The following KIF1A variants were observed in gnomAD, a reference collection of about 807,000 sequenced individuals.
KIF1A encodes the protein kinesin-like protein KIF1A.
KIF1A carries 46 observed loss-of-function variants against 227.3 expected under a neutral mutation model. The ratio of observed to expected loss-of-function variants is 0.20; its 90% CI spans 0.16 to 0.26. The LOEUF (loss-of-function observed/expected upper bound fraction) is 0.26. KIF1A is among the 10% of genes least tolerant of loss of function. The pLI is 1.00. For missense variants in KIF1A, 1,683 were observed against 2,485.9 expected (o/e 0.68, Z 6.87); for synonymous variants, 1,022 against 1,012.8 (o/e 1.01, Z -0.17).
rs1246106005 is a variant in KIF1A, at chr2:240,771,017, C to T, written c.1295G>A (p.Arg432His). The T allele has an allele frequency of 5.6e-6, 9 of 1,612,818 alleles. No homozygotes were observed. Among genetic ancestry groups the T allele is most frequent in the Middle Eastern group, 1.7e-4 (1 of 5,874 alleles). ...CTCGCTGCCCGGGGCAAACAAGATG[C>T]GCTCGTGGAGGCTGGACACGGAGGC... The part of the protein sequence containing the change: ...RAASVSSLHE[R>H]ILFAPGSEEA... Residue 432 changes from arginine to histidine, a missense_variant, in exon 15 of 49, where the codon CGC (arginine) becomes CAC (histidine). Arg to His is a conservative substitution (Grantham distance 29). Transcript: ENST00000498729.
chr2:240,816,951 G>A (rs540657903), intron 1 of KIF1A, among the ~76,000 whole-genome samples: 1 of 152,370 alleles, frequency 6.6e-6, no homozygotes, highest in African/African-American at 2.4e-5. Flanking sequence ...TTGAGGCCCT[G>A]GGGGTGGGGG....
At position 240,742,996 on chromosome 2, in the gene KIF1A, G is replaced by A. The variant is rs1220332881; in HGVS notation, c.3585-12C>T. 3 of 1,605,088 alleles carry A rather than the reference G, an allele frequency of 1.9e-6. No individual in the cohort carries two copies. Among genetic ancestry groups the A allele is most frequent in the East Asian group, 2.2e-5 (1 of 44,670 alleles). ...AGGGCCTCAGGGGGCTGTGGAGAAA[G>A]GACCAGTGTGAGGTGTTTGCGGGAC... On this transcript the variant is annotated splice_polypyrimidine_tract_variant and intron_variant, in intron 33 of 48. Coordinates refer to ENST00000498729, the MANE Select transcript of KIF1A (RefSeq NM_001244008.2).
chr2:240,746,034 C>G lies in KIF1A; in HGVS notation c.3202+5G>C, dbSNP rs1379920683. 6.2e-7 allele frequency: 1 copy of G among 1,607,426 alleles called. No individual in the cohort carries two copies. On this transcript the variant is annotated splice_donor_5th_base_variant and intron_variant, in intron 30 of 48. Transcript: ENST00000498729. ...CGCCCTGGGCAGCTGGGGTGGGCGA[C>G]CCACCTGAACAGGTGTTGTTGTTGA... is the stretch of plus-strand genomic sequence containing the variant.
Position 240,775,774 on chromosome 2 carries a change from C to A in KIF1A, c.958+77G>T, listed in dbSNP as rs970475522. ...TGAGAGGCCTGCTGGCGACTGGGCA[C>A]CCCCTCAGTGGGGAAGAAGGGCACA... On this transcript the variant is annotated intron_variant, in intron 11 of 48. Coordinates refer to ENST00000498729, the MANE Select transcript of KIF1A (RefSeq NM_001244008.2). This position sits in a 1 kb window ranked among gnomAD's most constrained non-coding sequence, Gnocchi z 5.5. 8.2e-6 allele frequency: 8 copies of A among 976,176 alleles called. No homozygotes were observed. The highest frequency in any genetic ancestry group is 3.5e-5 in the Admixed American group (2 of 57,352). The allele number at this position is 976,176 out of a possible 1,614,324, so 60.5% of individuals were successfully genotyped here.
rs996905434 is a variant in KIF1A at position 240,769,044 on chromosome 2, C to G, written c.1497+89G>C. On this transcript the variant is annotated intron_variant, in intron 17 of 48. Coordinates refer to ENST00000498729, the MANE Select transcript of KIF1A (RefSeq NM_001244008.2). Reference sequence around the variant, plus strand: ...GAGCCCCACCGTGCTCCCCTACTTCCAGGAGCCCCCTCTGGCTCTACCTGA... The same window carrying G: ...GAGCCCCACCGTGCTCCCCTACTTCGAGGAGCCCCCTCTGGCTCTACCTGA... 3 of 1,188,184 alleles carry G rather than the reference C, an allele frequency of 2.5e-6. No individual in the cohort carries two copies. The African/African-American group carries it at 4.5e-5, about 18-fold the overall frequency. 73.6% of individuals were successfully genotyped at this position (1,188,184 alleles called of 1,614,324 possible). A position where few individuals can be genotyped will look rare whatever the true frequency, so the allele number is the denominator to read the frequency against.
rs1384512352 is a variant in KIF1A at position 240,752,147 on chromosome 2, C to T, written c.2859-1600G>A. On this transcript the variant is annotated intron_variant, in intron 27 of 48. Transcript: ENST00000498729. This position sits in a 1 kb window ranked among gnomAD's most constrained non-coding sequence, Gnocchi z 6.4. ...GGCTTTTTGGGCCCTCTCCCCAGCACAACGCCCCCTCTGAAGATGCCCCCC... is the reference window on the plus strand; with the variant it reads ...GGCTTTTTGGGCCCTCTCCCCAGCATAACGCCCCCTCTGAAGATGCCCCCC... Among the ~76,000 whole-genome samples, 1 of 152,088 alleles carries T rather than the reference C, an allele frequency of 6.6e-6. No homozygotes were observed. Among genetic ancestry groups the T allele is most frequent in the Non-Finnish European group, 1.5e-5 (1 of 68,002 alleles).
intron 6 of KIF1A, 72 bp from the exon 7 acceptor site, chr2:240,785,172 C>G: frequency 7.9e-7 from 1 of 1,260,312 alleles, no homozygotes; most frequent in Non-Finnish European, 1.1e-6. Context: ...GTGGTGCCAG[C>G]CCTCTGAACC....
At chr2:240,820,885 C>A (rs2058667440), upstream of KIF1A, among the ~76,000 whole-genome samples, 1 of 152,090 alleles carries the variant, frequency 6.6e-6, no homozygotes, top group African/African-American at 2.4e-5. This position sits in a 1 kb window ranked among gnomAD's most constrained non-coding sequence, Gnocchi z 6.2. Context: ...CCTCCTCTCG[C>A]CCCACCTCTC....
At chr2:240,782,663 G>T (rs558750993) in intron 9 of KIF1A, 56 bp from the exon 10 acceptor site, 1 of 1,541,838 alleles carries the variant, frequency 6.5e-7, no homozygotes, top group South Asian at 1.2e-5. Flanking sequence ...GGCGCGGGCT[G>T]TGGGGGCGGA....
At chr2:240,743,070 T>G in intron 33 of KIF1A, 86 bp from the exon 34 acceptor site, 1 of 1,089,350 alleles carries the variant, frequency 9.2e-7, no homozygotes, top group Non-Finnish European at 1.3e-6. Context: ...AGGCCCCAGG[T>G]GCCCATCCCG....
intron 33 of KIF1A, among the ~76,000 whole-genome samples, chr2:240,743,367 C>T (rs542675166): frequency 2.0e-5 from 3 of 152,212 alleles, no homozygotes; most frequent in Admixed American, 6.5e-5. Flanking sequence ...AGGGCCCACC[C>T]GAGGCCTCTC....
chr2:240,779,816 C>T (rs767630627), intron 10 of KIF1A, among the ~76,000 whole-genome samples: 20 of 152,226 alleles, frequency 1.3e-4, no homozygotes, highest in Non-Finnish European at 2.4e-4. Flanking sequence ...CACGGTTCTG[C>T]GGCTCCTCAC....
chr2:240,765,847 C>G, intron 19 of KIF1A, 54 bp from the exon 20 acceptor site: 3 of 1,382,576 alleles, frequency 2.2e-6, no homozygotes, highest in African/African-American at 1.4e-5. Context: ...CTGTCACCTA[C>G]AGCAGCTCGG....
chr2:240,753,337 A>G (rs1354101982), intron 27 of KIF1A, among the ~76,000 whole-genome samples: 1 of 152,226 alleles, frequency 6.6e-6, no homozygotes, highest in East Asian at 1.9e-4. Flanking sequence ...GTGAGGCTGT[A>G]GCAGGCAGGC....
At chr2:240,730,844 C>T (rs994988103) in intron 38 of KIF1A, among the ~76,000 whole-genome samples, 9 of 152,198 alleles carry the variant, frequency 5.9e-5, no homozygotes, top group Non-Finnish European at 8.8e-5. Flanking sequence ...ATGCAGCATT[C>T]GCACAGGGCC....
chr2:240,717,458 C>A, intron 48 of KIF1A, 52 bp from the exon 49 acceptor site: 1 of 1,555,652 alleles, frequency 6.4e-7, no homozygotes. Context: ...CACCTGCAGG[C>A]CATATCCACC....
At chr2:240,751,945 C>T (rs1559500216) in intron 27 of KIF1A, among the ~76,000 whole-genome samples, 2 of 152,160 alleles carry the variant, frequency 1.3e-5, no homozygotes, top group Non-Finnish European at 2.9e-5. Context: ...TTCATTCTGA[C>T]TTTACACATC....
chr2:240,732,048 G>C (rs146871808), intron 38 of KIF1A, among the ~76,000 whole-genome samples: 1,974 of 89,546 alleles, frequency 0.022, 77 homozygotes, highest in Non-Finnish European at 0.035. Flanking sequence ...AGGGGAGGAG[G>C]GGATGAGGGA....
In KIF1A at chr2:240,725,165, G is replaced by T. The variant is rs2045872563; in HGVS notation, c.4256+106C>A. On this transcript the variant is annotated intron_variant, in intron 40 of 48. Coordinates refer to ENST00000498729, the MANE Select transcript of KIF1A (RefSeq NM_001244008.2). The surrounding 1 kb of genome is among the most constrained non-coding windows in gnomAD (Gnocchi z 5.8). ...CAGGAGTGTGGCTGGGCCTCGCACA[G>T]GGTGAGCTGCCGGGTGGCCCAAGGA... 3 of 1,251,362 alleles carry T rather than the reference G, an allele frequency of 2.4e-6. No homozygotes were observed. The East Asian group carries it at 7.6e-5, about 32-fold the overall frequency. The allele number at this position is 1,251,362 out of a possible 1,614,324, so 77.5% of individuals were successfully genotyped here.
Sources: allele counts gnomAD v4.1 joint callset (sites outside exome capture counted in the v4.1 genomes callset), GRCh38; gene constraint gnomAD v4.1.1; non-coding constraint Gnocchi (gnomAD v3.1); transcripts MANE v1.5; gene names NCBI Gene and HGNC (gene_info 2026-07-23, HGNC 2026-07-21).